The following MBP variants were observed in gnomAD, a reference collection of about 807,000 sequenced individuals.
MBP encodes the protein Golli-MBP.
Under a neutral mutation model 35.8 loss-of-function variants are expected in MBP, and 16 were observed. The observed-to-expected ratio is 0.45, with a 90% CI of 0.30 to 0.68. The LOEUF (loss-of-function observed/expected upper bound fraction) is 0.68, where lower values mean the gene tolerates loss of function less well. Among genes scored for constraint, MBP ranks in the 30% least tolerant of loss-of-function variants. The probability of loss-of-function intolerance (pLI) is 0.08; values close to 1 mark genes in which losing one functional copy is unlikely to be tolerated. For synonymous variants in MBP, 143 were observed against 159.6 expected, an observed-to-expected ratio of 0.90 and a Z score of 0.78; for missense variants, 380 against 404.7, an observed-to-expected ratio of 0.94 and a Z score of 0.52.
chr18:77,106,413 C>T (rs1568342898), intron 1 of MBP, among the ~76,000 whole-genome samples: 1 of 152,152 alleles, frequency 6.6e-6, no homozygotes, highest in Non-Finnish European at 1.5e-5. Context: ...ACCCCACAGC[C>T]ACTGGAAGGA....
At chr18:77,085,203 A>G (rs544778514) in intron 2 of MBP, among the ~76,000 whole-genome samples, 1 of 152,368 alleles carries the variant, frequency 6.6e-6, no homozygotes, top group East Asian at 1.9e-4. Flanking sequence ...ATTAAAAAAA[A>G]AACAGTCCTA....
In MBP at chr18:77,018,612, TCATCCATC is replaced by T. The variant is rs58567064; in HGVS notation, c.140-1352_140-1345del. On this transcript the variant is annotated intron_variant, in intron 3 of 8. Coordinates refer to ENST00000355994, the MANE Select transcript of MBP (RefSeq NM_001025101.2). ...TCCACCCACCCCTCCATCTATCCAC[TCATCCATC>T]CATCCATCCATCCATCCATCCACAT... is the stretch of plus-strand genomic sequence containing the variant. Among the ~76,000 whole-genome samples, 361 of 111,106 alleles carry T rather than the reference TCATCCATC, an allele frequency of 3.2e-3. 3 individuals carry two copies. The East Asian group carries it at 0.036, about 11-fold the overall frequency. The allele number at this position is 111,106 out of a possible 152,430, so 72.9% of individuals were successfully genotyped here.
At chr18:76,987,909 C>A (rs1969649787) in intron 7 of MBP, 1 of 1,106,676 alleles carries the variant, frequency 9.0e-7, no homozygotes, top group African/African-American at 1.7e-5. Flanking sequence ...TCAGTATTAA[C>A]CAGCCTAAAA....
chr18:77,066,167 G>A lies in MBP; in HGVS notation c.139+131C>T. The A allele has an allele frequency of 4.4e-6, 3 of 674,816 alleles. No individual in the cohort carries two copies. The South Asian group carries it at 5.4e-5, about 12-fold the overall frequency. The allele number at this position is 674,816 out of a possible 1,614,324, so 41.8% of individuals were successfully genotyped here. ...ATGAAGCAATGATCCCAGCCTCTAT[G>A]TTTTAGTAATGAGTACAGACAGATC... On this transcript the variant is annotated intron_variant, in intron 3 of 8. Transcript: ENST00000355994.
chr18:77,008,219 T>C (rs950354575), intron 4 of MBP, among the ~76,000 whole-genome samples: 5 of 152,120 alleles, frequency 3.3e-5, no homozygotes, highest in African/African-American at 9.7e-5. Context: ...AAATCCTCCT[T>C]CTCGCCAGCA....
chr18:77,069,901 A>G (rs1599180901), intron 2 of MBP, among the ~76,000 whole-genome samples: 2 of 151,950 alleles, frequency 1.3e-5, no homozygotes, highest in African/African-American at 4.8e-5. Flanking sequence ...CACCTTCTCA[A>G]CTCAGTTCTC....
chr18:77,064,032 G>A lies in MBP; in HGVS notation c.139+2266C>T, dbSNP rs531642643. ...ATGATGTTTGCTTAAAAAAACAGTA[G>A]GCTTAGCCAAAATCATTCTAGAACT... On this transcript the variant is annotated intron_variant, in intron 3 of 8. Coordinates refer to ENST00000355994, the MANE Select transcript of MBP (RefSeq NM_001025101.2). Among the ~76,000 whole-genome samples the A allele has an allele frequency of 2.3e-3, 343 of 152,098 alleles. 2 individuals are homozygous for A. The highest frequency in any genetic ancestry group is 8.1e-3 in the African/African-American group (338 of 41,494).
chr18:77,130,252 A>G (rs954178868), intron 1 of MBP, among the ~76,000 whole-genome samples: 5 of 152,046 alleles, frequency 3.3e-5, no homozygotes, highest in Admixed American at 6.5e-5. Flanking sequence ...AGGAGGAACG[A>G]GGAGCACCTT....
intron 2 of MBP, among the ~76,000 whole-genome samples, chr18:77,100,604 G>A (rs916965895): frequency 1.3e-5 from 2 of 151,654 alleles, no homozygotes; most frequent in Non-Finnish European, 2.9e-5. Context: ...AGGCTGGAGT[G>A]CAGTGGTGTG....
In MBP at chr18:77,025,777, T is replaced by A. The variant is rs189529859; in HGVS notation, c.140-8509A>T. ...TTCCCCTGCATCCGTGGAAATCACA[T>A]CGCACAAGTAACTTCCATCAAAACC... On this transcript the variant is annotated intron_variant, in intron 3 of 8. Coordinates refer to ENST00000355994, the MANE Select transcript of MBP (RefSeq NM_001025101.2). 5.1e-5 allele frequency among the ~76,000 whole-genome samples: 7 copies of A among 137,886 alleles called. No homozygotes were observed. In the Admixed American group the frequency reaches 5.6e-4, roughly 11 times the overall value. 90.5% of individuals were successfully genotyped at this position (137,886 alleles called of 152,430 possible).
At position 77,101,004 on chromosome 18, in the gene MBP, G is replaced by A. The variant is rs535097004; in HGVS notation, c.51+4207C>T. Among the ~76,000 whole-genome samples, 1 of 152,208 alleles carries A rather than the reference G, an allele frequency of 6.6e-6. No homozygotes were observed. Reference sequence around the variant, plus strand: ...CACAAGCAGCCTGGCACATGGGCACGTTCTGAGCGCTTGCTGACCCTCCCA... The same window carrying A: ...CACAAGCAGCCTGGCACATGGGCACATTCTGAGCGCTTGCTGACCCTCCCA... On this transcript the variant is annotated intron_variant, in intron 2 of 8. Coordinates refer to ENST00000355994, the MANE Select transcript of MBP (RefSeq NM_001025101.2). This position sits in a 1 kb window ranked among gnomAD's most constrained non-coding sequence, Gnocchi z 4.3.
intron 3 of MBP, among the ~76,000 whole-genome samples, chr18:77,059,233 A>G (rs139606681): frequency 7.0e-4 from 106 of 152,350 alleles, no homozygotes; most frequent in African/African-American, 2.4e-3. Flanking sequence ...CTGTTCAATC[A>G]TATGGAATAT....
intron 1 of MBP, chr18:77,108,780 C>T (rs72973221): frequency 6.6e-6 from 1 of 152,342 alleles, no homozygotes; most frequent in Non-Finnish European, 1.5e-5. Context: ...AACTCACTAG[C>T]CTATCTGTGC....
intron 7 of MBP, chr18:76,985,527 G>T (rs1969499595): frequency 8.7e-7 from 1 of 1,149,656 alleles, no homozygotes; most frequent in Non-Finnish European, 1.1e-6. Context: ...CCCAGGGTGA[G>T]CAGGAATCAG....
At chr18:76,994,668 G>A (rs1468639804) in intron 4 of MBP, among the ~76,000 whole-genome samples, 1 of 152,216 alleles carries the variant, frequency 6.6e-6, no homozygotes, top group East Asian at 1.9e-4. Context: ...CATGATGTTG[G>A]TAGGTTTTAT....
In MBP at chr18:76,979,860, A is replaced by G. The variant is rs1969077737; in HGVS notation, c.*567T>C. 1.5e-6 allele frequency: 1 copy of G among 672,896 alleles called. No individual in the cohort carries two copies. Among genetic ancestry groups the G allele is most frequent in the Non-Finnish European group, 2.7e-6 (1 of 371,596 alleles). The allele number at this position is 672,896 out of a possible 1,614,324, so 41.7% of individuals were successfully genotyped here. The stretch of plus-strand genomic sequence containing the variant: ...GGACTCTAACAGCTGCCCAGCCCGC[A>G]TGTCACATACCAAAAGCTCCCACAT... On this transcript the variant is annotated 3_prime_UTR_variant, in exon 9 of 9. Coordinates refer to ENST00000355994, the MANE Select transcript of MBP (RefSeq NM_001025101.2).
chr18:77,025,533 A>C (rs2123542098), intron 3 of MBP, among the ~76,000 whole-genome samples: 1 of 152,168 alleles, frequency 6.6e-6, no homozygotes, highest in Admixed American at 6.5e-5. Context: ...AGTCTGTCCG[A>C]GTGTTACCTC....
chr18:77,132,203 G>A (rs1217374423), intron 1 of MBP, among the ~76,000 whole-genome samples: 1 of 152,090 alleles, frequency 6.6e-6, no homozygotes, highest in Non-Finnish European at 1.5e-5. Context: ...AGCGACCCTG[G>A]GACCGCCGGG....
intron 4 of MBP, among the ~76,000 whole-genome samples, chr18:77,002,231 C>T (rs2123307179): frequency 6.6e-6 from 1 of 152,360 alleles, no homozygotes; most frequent in East Asian, 1.9e-4. Flanking sequence ...ACCTGGCTCT[C>T]TCCACCTGGG....
Sources: gnomAD v4.1 joint callset for allele counts (sites outside exome capture counted in the v4.1 genomes callset) on GRCh38, gnomAD v4.1.1 for gene constraint, Gnocchi (gnomAD v3.1) non-coding constraint, MANE v1.5 for transcripts, NCBI Gene and HGNC (gene_info 2026-07-23, HGNC 2026-07-21) for gene names.